The following BMPR1A variants were observed in gnomAD, a reference collection of about 807,000 sequenced individuals.
BMPR1A encodes the protein bone morphogenetic protein receptor type-1A.
A neutral mutation model predicts 66.0 loss-of-function variants in BMPR1A; 7 were observed. The ratio of observed to expected loss-of-function variants is 0.11; its 90% CI spans 0.06 to 0.20. BMPR1A has a LOEUF of 0.20. BMPR1A is among the 10% of genes least tolerant of loss of function. The pLI, the probability that BMPR1A is intolerant of heterozygous loss-of-function variation, is 1.00. For missense variants in BMPR1A, 408 were observed against 669.1 expected, an observed-to-expected ratio of 0.61 and a Z score of 4.31; for synonymous variants, 200 against 229.7, an observed-to-expected ratio of 0.87 and a Z score of 1.17.
At chr10:86,804,213 A>T (rs889826589) in intron 1 of BMPR1A, among the ~76,000 whole-genome samples, 1 of 152,132 alleles carries the variant, frequency 6.6e-6, no homozygotes, top group Non-Finnish European at 1.5e-5. Context: ...TTAGTAATAT[A>T]TGGGTTTGGT....
chr10:86,917,376 G>A (rs2133578370), intron 9 of BMPR1A, 50 bp downstream of exon 9: 1 of 1,603,574 alleles, frequency 6.2e-7, no homozygotes, highest in Admixed American at 1.7e-5. Context: ...GGCTAGTGAG[G>A]TACAGGTGGA....
intron 1 of BMPR1A, among the ~76,000 whole-genome samples, chr10:86,795,068 C>T (rs1313938762): frequency 1.3e-5 from 2 of 151,992 alleles, no homozygotes; most frequent in African/African-American, 4.8e-5. Context: ...TCAGGCTGGT[C>T]TTGAACTCCC....
At chr10:86,837,290 G>A (rs956059764) in intron 1 of BMPR1A, among the ~76,000 whole-genome samples, 10 of 101,122 alleles carry the variant, frequency 9.9e-5, no homozygotes, top group Middle Eastern at 5.4e-3. Flanking sequence ...GGCTGGTCTC[G>A]AACTCCTGAC....
chr10:86,838,413 G>A (rs1395436634), intron 1 of BMPR1A, among the ~76,000 whole-genome samples: 2 of 152,168 alleles, frequency 1.3e-5, no homozygotes, highest in Non-Finnish European at 2.9e-5. Context: ...GTTCTAGGTA[G>A]AAGTGTGGCT....
chr10:86,899,449 C>T (rs1209078002), intron 5 of BMPR1A, among the ~76,000 whole-genome samples: 4 of 152,234 alleles, frequency 2.6e-5, no homozygotes, highest in African/African-American at 7.2e-5. Flanking sequence ...TGGACTACGA[C>T]ACCCTCCACT....
chr10:86,932,842 T>C (rs1716529208), downstream of BMPR1A: 1 of 152,234 alleles, frequency 6.6e-6, no homozygotes, highest in African/African-American at 2.4e-5. Context: ...GGAGTGACTT[T>C]GACATTATGT....
At chr10:86,773,597 G>GAA (rs71019429) in intron 1 of BMPR1A, among the ~76,000 whole-genome samples, 28 of 99,852 alleles carry the variant, frequency 2.8e-4, no homozygotes, top group Admixed American at 5.9e-4. Flanking sequence ...GTCTCAGAAA[G>GAA]AAAAAAAAAA....
chr10:86,912,098 A>G, intron 7 of BMPR1A, 142 bp from the exon 8 acceptor site: 1 of 854,632 alleles, frequency 1.2e-6, no homozygotes, highest in East Asian at 2.7e-5. Context: ...TGTATTTAAC[A>G]GGATATATTA....
At chr10:86,888,313 A>C (rs1359537468) in intron 3 of BMPR1A, among the ~76,000 whole-genome samples, 1 of 151,976 alleles carries the variant, frequency 6.6e-6, no homozygotes, top group African/African-American at 2.4e-5. Flanking sequence ...ACAAAATACA[A>C]AAAAATTAGC....
At chr10:86,862,434 G>A (rs567520136) in intron 2 of BMPR1A, among the ~76,000 whole-genome samples, 1 of 152,298 alleles carries the variant, frequency 6.6e-6, no homozygotes, top group South Asian at 2.1e-4. Flanking sequence ...GGAGACTTTA[G>A]CTTTTTGTCT....
intron 2 of BMPR1A, among the ~76,000 whole-genome samples, chr10:86,856,426 A>G (rs895277810): frequency 4.6e-5 from 7 of 152,180 alleles, no homozygotes; most frequent in African/African-American, 1.4e-4. Flanking sequence ...ACGTTATCTT[A>G]AGGGTGAATT....
intron 1 of BMPR1A, among the ~76,000 whole-genome samples, chr10:86,798,291 A>C (rs191290479): frequency 2.0e-5 from 3 of 152,338 alleles, no homozygotes; most frequent in Non-Finnish European, 2.9e-5. Flanking sequence ...CACAATTTCC[A>C]TACTTAAAAA....
intron 5 of BMPR1A, among the ~76,000 whole-genome samples, chr10:86,893,318 A>G (rs555842076): frequency 4.6e-5 from 7 of 152,314 alleles, no homozygotes; most frequent in African/African-American, 1.7e-4. Context: ...CAGGATGGTA[A>G]TAGTTTATGA....
At chr10:86,855,645 C>A in intron 2 of BMPR1A, 1 of 679,720 alleles carries the variant, frequency 1.5e-6, no homozygotes, top group South Asian at 1.8e-5. Context: ...CATGTGGCAG[C>A]TTTCTCCTGA....
At chr10:86,776,777 T>C (rs1841354744) in intron 1 of BMPR1A, among the ~76,000 whole-genome samples, 2 of 152,340 alleles carry the variant, frequency 1.3e-5, no homozygotes, top group East Asian at 3.9e-4. Context: ...TTTTCTCTAG[T>C]ACTTCTTTAT....
intron 2 of BMPR1A, among the ~76,000 whole-genome samples, chr10:86,864,810 C>T (rs1272654217): frequency 6.6e-6 from 1 of 152,136 alleles, no homozygotes. Flanking sequence ...AGGCCATCAC[C>T]AGTCATTCTA....
In BMPR1A at chr10:86,835,549, CAAAAAAAAAAAAAAAAAAAAAAAAAAA is replaced by C. The variant is rs55804247; in HGVS notation, c.-267-3303_-267-3277del. The stretch of plus-strand genomic sequence containing the variant: ...CTGGGTGACAAGCAAGACTCTGTAT[CAAAAAAAAAAAAAAAAAAAAAAAAAAA>C]AAAAAAAAAAAAGGTGTTTTGGCCT... On this transcript the variant is annotated intron_variant, in intron 1 of 12. Coordinates refer to ENST00000372037, the MANE Select transcript of BMPR1A (RefSeq NM_004329.3). Among the ~76,000 whole-genome samples the C allele has an allele frequency of 1.4e-4, 6 of 44,338 alleles. No homozygotes were observed. In the East Asian group the frequency reaches 3.6e-3, roughly 27 times the overall value. 29.1% of individuals were successfully genotyped at this position (44,338 alleles called of 152,430 possible).
chr10:86,833,120 A>G (rs1842295802), intron 1 of BMPR1A, among the ~76,000 whole-genome samples: 1 of 152,136 alleles, frequency 6.6e-6, no homozygotes, highest in Admixed American at 6.5e-5. Context: ...TAAAAGAACA[A>G]AGAAAAAAAA....
At chr10:86,912,471 A>G in intron 8 of BMPR1A, 87 bp downstream of exon 8, 1 of 1,514,992 alleles carries the variant, frequency 6.6e-7, no homozygotes, top group Non-Finnish European at 9.2e-7. Flanking sequence ...ATTGCAGATC[A>G]GGGAACAATA....
Sources: gnomAD v4.1 joint callset for allele counts (sites outside exome capture counted in the v4.1 genomes callset) on GRCh38, gnomAD v4.1.1 for gene constraint, MANE v1.5 for transcripts, NCBI Gene and HGNC (gene_info 2026-07-23, HGNC 2026-07-21) for gene names.